NKAIN2: variants seen among roughly 807,000 people sequenced by gnomAD.
NKAIN2 encodes the protein sodium/potassium transporting ATPase interacting 2, also known as sodium/potassium-transporting ATPase subunit beta-1-interacting protein 2.
NKAIN2 carries 14 observed loss-of-function variants against 32.6 expected under a neutral mutation model. The observed-to-expected ratio is 0.43, with a 90% confidence interval of 0.28 to 0.67. The LOEUF (loss-of-function observed/expected upper bound fraction) is 0.67. Among genes scored for constraint, NKAIN2 ranks in the 30% least tolerant of loss-of-function variants. The pLI, the probability that NKAIN2 is intolerant of heterozygous loss-of-function variation, is 0.17. For missense variants in NKAIN2, 198 were observed against 258.3 expected (o/e 0.77, Z 1.60); for synonymous variants, 80 against 87.2 (o/e 0.92, Z 0.46).
rs1476760891 is a variant in NKAIN2 at position 124,173,686 on chromosome 6, T to C, written c.55-109319T>C. 2.0e-5 allele frequency among the ~76,000 whole-genome samples: 3 copies of C among 152,272 alleles called. No individual in the cohort carries two copies. In the East Asian group the frequency reaches 5.8e-4, roughly 29 times the overall value. The stretch of plus-strand genomic sequence containing the variant: ...TTTATGATACCTATATCAAATATTA[T>C]TTTATCTTGTTTTCTCTTGAAAGTA... On this transcript the variant is annotated intron_variant, in intron 1 of 6. Coordinates refer to ENST00000368417, the MANE Select transcript of NKAIN2 (RefSeq NM_001040214.3).
At chr6:124,174,096 G>GTTT (rs1789036698) in intron 1 of NKAIN2, among the ~76,000 whole-genome samples, 1 of 152,176 alleles carries the variant, frequency 6.6e-6, no homozygotes, top group African/African-American at 2.4e-5. Flanking sequence ...TCAATATTCT[G>GTTT]TATTAAACAG....
At chr6:123,836,979 A>G (rs1467373164) in intron 1 of NKAIN2, among the ~76,000 whole-genome samples, 2 of 152,204 alleles carry the variant, frequency 1.3e-5, no homozygotes, top group Non-Finnish European at 2.9e-5. Context: ...ATGTTGACAT[A>G]TTAGAATATG....
chr6:124,406,200 A>G (rs1562161659), intron 3 of NKAIN2, among the ~76,000 whole-genome samples: 1 of 152,118 alleles, frequency 6.6e-6, no homozygotes, highest in Non-Finnish European at 1.5e-5. Flanking sequence ...AAAAATTTCT[A>G]CATATGCCTT....
chr6:124,331,101 C>T (rs1246075419), intron 2 of NKAIN2, among the ~76,000 whole-genome samples: 1 of 151,998 alleles, frequency 6.6e-6, no homozygotes, highest in Non-Finnish European at 1.5e-5. Context: ...TTGAATTATG[C>T]TTCTTTCAAG....
chr6:123,823,501 G>C (rs1774011017), intron 1 of NKAIN2: 1 of 152,190 alleles, frequency 6.6e-6, no homozygotes, highest in African/African-American at 2.4e-5. Context: ...GAGAGTGATA[G>C]GAACTTGTTT....
intron 1 of NKAIN2, among the ~76,000 whole-genome samples, chr6:124,118,100 T>A (rs568600865): frequency 2.0e-5 from 3 of 152,220 alleles, no homozygotes; most frequent in South Asian, 4.1e-4. Context: ...AACAGAGCCC[T>A]GGGGATAAGG....
At chr6:124,520,570 CT>C (rs1390096462) in intron 3 of NKAIN2, among the ~76,000 whole-genome samples, 1 of 152,060 alleles carries the variant, frequency 6.6e-6, no homozygotes, top group Non-Finnish European at 1.5e-5. Context: ...AGAGCAAGAC[CT>C]AAAATGTATT....
chr6:124,399,354 T>C (rs1187090957), intron 3 of NKAIN2, among the ~76,000 whole-genome samples: 1 of 152,234 alleles, frequency 6.6e-6, no homozygotes, highest in African/African-American at 2.4e-5. Flanking sequence ...TTTCTAATAA[T>C]TGAGGGTCAA....
intron 3 of NKAIN2, among the ~76,000 whole-genome samples, chr6:124,400,438 A>T (rs2114453869): frequency 6.6e-6 from 1 of 152,142 alleles, no homozygotes; most frequent in South Asian, 2.1e-4. Context: ...AAGGAACTGG[A>T]TTCTATCTAT....
chr6:124,349,389 G>C (rs1798609972), intron 2 of NKAIN2, among the ~76,000 whole-genome samples: 1 of 151,954 alleles, frequency 6.6e-6, no homozygotes, highest in South Asian at 2.1e-4. Context: ...TTACTTGGCT[G>C]CCTCATTATT....
At chr6:124,805,245 T>A (rs1236940194) in intron 5 of NKAIN2, among the ~76,000 whole-genome samples, 1 of 151,998 alleles carries the variant, frequency 6.6e-6, no homozygotes, top group Non-Finnish European at 1.5e-5. Context: ...CACCCCCCAG[T>A]AGGGGCAGAC....
intron 3 of NKAIN2, among the ~76,000 whole-genome samples, chr6:124,585,508 A>G (rs1781681932): frequency 6.6e-6 from 1 of 152,206 alleles, no homozygotes; most frequent in Non-Finnish European, 1.5e-5. Context: ...CTCTGATGTG[A>G]TTATTATGCA....
chr6:124,622,414 C>T (rs1371716594), intron 3 of NKAIN2, among the ~76,000 whole-genome samples: 1 of 152,178 alleles, frequency 6.6e-6, no homozygotes, highest in Non-Finnish European at 1.5e-5. Flanking sequence ...AGGTCAAGTG[C>T]TTTGGTCTCC....
chr6:123,941,965 C>T (rs1776847168), intron 1 of NKAIN2, among the ~76,000 whole-genome samples: 1 of 151,838 alleles, frequency 6.6e-6, no homozygotes, highest in Non-Finnish European at 1.5e-5. Flanking sequence ...GCAATCCACC[C>T]CCAAAGCATC....
rs572373073 is a variant in NKAIN2 at position 124,751,759 on chromosome 6, G to T, written c.475-39580G>T. Among the ~76,000 whole-genome samples, 5 of 151,766 alleles carry T rather than the reference G, an allele frequency of 3.3e-5. No individual in the cohort carries two copies. In the South Asian group the frequency reaches 1.0e-3, roughly 32 times the overall value. ...TTTAGGAGGCTAAGGCAGGAGGATT[G>T]CTTGAGCCCAGGAGTTGGAGACCAA... On this transcript the variant is annotated intron_variant, in intron 4 of 6. Transcript: ENST00000368417.
intron 1 of NKAIN2, among the ~76,000 whole-genome samples, chr6:123,818,993 T>C (rs1773813203): frequency 6.6e-6 from 1 of 152,136 alleles, no homozygotes; most frequent in South Asian, 2.1e-4. Context: ...TCTGTGTGTG[T>C]GTTAAGTGGG....
chr6:124,524,959 A>C (rs1041339677), intron 3 of NKAIN2, among the ~76,000 whole-genome samples: 2 of 152,214 alleles, frequency 1.3e-5, no homozygotes, highest in African/African-American at 4.8e-5. Flanking sequence ...GAACACCCGT[A>C]CAGCCAGGGA....
At position 124,355,437 on chromosome 6, in the gene NKAIN2, T is replaced by A. The variant is rs9491136; in HGVS notation, c.273+90T>A. 9,620 of 707,708 alleles carry A rather than the reference T, an allele frequency of 0.014. 574 individuals carry two copies. The African/African-American group carries it at 0.14, about 10-fold the overall frequency. The allele number at this position is 707,708 out of a possible 1,614,324, so 43.8% of individuals were successfully genotyped here. On this transcript the variant is annotated intron_variant, in intron 3 of 6. Transcript: ENST00000368417. ...CAGAGTCTCATCCTGTTCTGCTTGCTTAGCTGCACCTCAATGAAAGTAAAT... is the reference window on the plus strand; with the variant it reads ...CAGAGTCTCATCCTGTTCTGCTTGCATAGCTGCACCTCAATGAAAGTAAAT...
chr6:124,124,573 G>A (rs1189067161), intron 1 of NKAIN2, among the ~76,000 whole-genome samples: 8 of 152,130 alleles, frequency 5.3e-5, no homozygotes, highest in Non-Finnish European at 8.8e-5. Flanking sequence ...AGACAAAACT[G>A]TGAATTTTGA....
Sources: allele counts gnomAD v4.1 joint callset (sites outside exome capture counted in the v4.1 genomes callset), GRCh38; gene constraint gnomAD v4.1.1; transcripts MANE v1.5; gene names NCBI Gene and HGNC (gene_info 2026-07-23, HGNC 2026-07-21).